Variants in FBXL14 observed in about 807,000 individuals in gnomAD.
FBXL14 encodes the protein F-box and leucine rich repeat protein 14.
Under a neutral mutation model 24.5 loss-of-function variants are expected in FBXL14, and 11 were observed. That is an observed-to-expected ratio of 0.45 (90% CI 0.28 to 0.74). The LOEUF is 0.74. FBXL14 is among the 30% of genes least tolerant of loss of function. The probability of loss-of-function intolerance (pLI) is 0.12; values close to 1 mark genes in which losing one functional copy is unlikely to be tolerated. For synonymous variants in FBXL14, 294 were observed against 240.4 expected, an observed-to-expected ratio of 1.22 and a Z score of -2.06; for missense variants, 384 against 545.6, an observed-to-expected ratio of 0.70 and a Z score of 2.95.
intron 1 of FBXL14, among the ~76,000 whole-genome samples, chr12:1,586,028 G>C (rs895148498): frequency 6.6e-6 from 1 of 152,210 alleles, no homozygotes; most frequent in Non-Finnish European, 1.5e-5. Flanking sequence ...ACAGGCAACA[G>C]ATTTGACAGT....
Position 1,577,121 on chromosome 12 carries a change from A to G in FBXL14, c.1195-10311T>C, listed in dbSNP as rs527634962. Among the ~76,000 whole-genome samples the G allele has an allele frequency of 8.5e-5, 13 of 152,320 alleles. No homozygotes were observed. In the South Asian group the frequency reaches 2.7e-3, roughly 32 times the overall value. On this transcript the variant is annotated intron_variant, in intron 1 of 1. Transcript: ENST00000339235. Reference sequence around the variant, plus strand: ...CCTTCCCGGGAAGAAACTTCTAGCAATGCTTAAGCAGGAGGCCAGGGAAGA... The same window carrying G: ...CCTTCCCGGGAAGAAACTTCTAGCAGTGCTTAAGCAGGAGGCCAGGGAAGA...
intron 1 of FBXL14, among the ~76,000 whole-genome samples, chr12:1,573,943 T>A (rs1332093043): frequency 1.3e-5 from 2 of 151,570 alleles, no homozygotes; most frequent in Non-Finnish European, 2.9e-5. Flanking sequence ...AGGTGGAGGT[T>A]TTGGTGAGCT....
intron 1 of FBXL14, among the ~76,000 whole-genome samples, chr12:1,592,598 G>A (rs1592490130): frequency 6.6e-6 from 1 of 152,334 alleles, no homozygotes; most frequent in Middle Eastern, 3.4e-3. Flanking sequence ...GCAGGGGAGT[G>A]GGTGGGTAAG....
chr12:1,580,741 C>T (rs1486997640), intron 1 of FBXL14, among the ~76,000 whole-genome samples: 1 of 152,006 alleles, frequency 6.6e-6, no homozygotes, highest in Non-Finnish European at 1.5e-5. Context: ...TTTAGTAAAA[C>T]CATTATCAGG....
intron 1 of FBXL14, among the ~76,000 whole-genome samples, chr12:1,573,735 T>C (rs1412869477): frequency 5.9e-5 from 9 of 152,214 alleles, no homozygotes; most frequent in Non-Finnish European, 1.3e-4. Flanking sequence ...CCGGGCCTGG[T>C]GGCTCACACC....
intron 1 of FBXL14, among the ~76,000 whole-genome samples, chr12:1,592,190 G>GTA (rs576737463): frequency 0.03 from 4,185 of 139,014 alleles, 109 homozygotes; most frequent in African/African-American, 0.07. Context: ...ACATATATAT[G>GTA]TATATATATA....
At position 1,567,557 on chromosome 12, in the gene FBXL14, T is replaced by C. The variant is rs778871159; in HGVS notation, c.1195-747A>G. On this transcript the variant is annotated intron_variant, in intron 1 of 1. Transcript: ENST00000339235. The surrounding 1 kb of genome is among the most constrained non-coding windows in gnomAD (Gnocchi z 4.8). ...CACATGTTGAAGGGACAGAGCAAGCTTCACAACCAGACTCAGAGACAGCAG... is the reference window on the plus strand; with the variant it reads ...CACATGTTGAAGGGACAGAGCAAGCCTCACAACCAGACTCAGAGACAGCAG... 7.2e-5 allele frequency among the ~76,000 whole-genome samples: 11 copies of C among 152,088 alleles called. No individual in the cohort carries two copies. The highest frequency in any genetic ancestry group is 1.5e-4 in the Non-Finnish European group (10 of 68,012).
At chr12:1,574,097 G>A (rs1328608175) in intron 1 of FBXL14, among the ~76,000 whole-genome samples, 1 of 152,116 alleles carries the variant, frequency 6.6e-6, no homozygotes, top group East Asian at 1.9e-4. Context: ...GGCAGGAGAT[G>A]TAGCTTGGGG....
chr12:1,580,704 T>C (rs141290431), intron 1 of FBXL14, among the ~76,000 whole-genome samples: 1 of 152,250 alleles, frequency 6.6e-6, no homozygotes, highest in East Asian at 1.9e-4. Flanking sequence ...AATGTCCAGC[T>C]GGGATTTTTT....
intron 1 of FBXL14, among the ~76,000 whole-genome samples, chr12:1,591,344 G>GT (rs1312090311): frequency 0.032 from 1,573 of 49,154 alleles, 22 homozygotes; most frequent in African/African-American, 0.1. Flanking sequence ...ATACAAGGCT[G>GT]TTGTTTTTTT....
chr12:1,571,620 GT>G (rs375092442), intron 1 of FBXL14, among the ~76,000 whole-genome samples: 2 of 152,170 alleles, frequency 1.3e-5, no homozygotes, highest in African/African-American at 4.8e-5. Context: ...AATCATACAT[GT>G]TTTTTATTTG....
chr12:1,577,360 GATTCAAGAGCTCC>G (rs1219660785), intron 1 of FBXL14, among the ~76,000 whole-genome samples: 1 of 151,872 alleles, frequency 6.6e-6, no homozygotes, highest in Non-Finnish European at 1.5e-5. Flanking sequence ...GTCAGGTGAA[GATTCAAGAGCTCC>G]TCTTTGCCTT....
In FBXL14 at chr12:1,566,823, G is replaced by A. The variant is rs759036152; in HGVS notation, c.1195-13C>T. The A allele has an allele frequency of 1.3e-6, 1 of 780,738 alleles. No individual in the cohort carries two copies. The highest frequency in any genetic ancestry group is 2.4e-5 in the East Asian group (1 of 41,254). The allele number at this position is 780,738 out of a possible 1,614,324, so 48.4% of individuals were successfully genotyped here. A position where few individuals can be genotyped will look rare whatever the true frequency, so the allele number is the denominator to read the frequency against. On this transcript the variant is annotated splice_polypyrimidine_tract_variant and intron_variant, in intron 1 of 1. Coordinates refer to ENST00000339235, the MANE Select transcript of FBXL14 (RefSeq NM_152441.3). The stretch of plus-strand genomic sequence containing the variant: ...CCCCTCGTGCCTCCTGCAGTGGGAA[G>A]AAGAAAAAGGACCATTTTGAAAGAG...
chr12:1,574,592 C>A, intron 1 of FBXL14: 2 of 230,426 alleles, frequency 8.7e-6, no homozygotes, highest in South Asian at 9.4e-5. Context: ...TGGTAAAGGC[C>A]ACCCTGCTAA....
At chr12:1,581,234 G>A (rs2094465717) in intron 1 of FBXL14, among the ~76,000 whole-genome samples, 1 of 152,140 alleles carries the variant, frequency 6.6e-6, no homozygotes, top group African/African-American at 2.4e-5. Flanking sequence ...TGTGCTGGTA[G>A]CAGCTAAAAG....
Position 1,593,002 on chromosome 12 carries a change from C to A in FBXL14, c.1065G>T (p.Leu355=), listed in dbSNP as rs756480701. The A allele has an allele frequency of 6.2e-7, 1 of 1,612,684 alleles. No individual in the cohort carries two copies. Among genetic ancestry groups the A allele is most frequent in the Non-Finnish European group, 8.5e-7 (1 of 1,180,030 alleles). Residue 355 remains leucine (L), a synonymous_variant, in exon 1 of 2, where the codon CTG becomes CTT. Coordinates refer to ENST00000339235, the MANE Select transcript of FBXL14 (RefSeq NM_152441.3). The surrounding 1 kb of genome is among the most constrained non-coding windows in gnomAD (Gnocchi z 7.4). ...DKGLELIAEH[L]SQLTGIDLYG... Reference sequence around the variant, plus strand: ...ACAGGTCTATGCCGGTGAGTTGGCTCAGGTGCTCAGCGATCAGCTCCAGGC... The same window carrying A: ...ACAGGTCTATGCCGGTGAGTTGGCTAAGGTGCTCAGCGATCAGCTCCAGGC...
Position 1,592,957 on chromosome 12 carries a change from G to A in FBXL14, c.1110C>T (p.Thr370=), listed in dbSNP as rs1306315562. 1 of 1,613,184 alleles carries A rather than the reference G, an allele frequency of 6.2e-7. No homozygotes were observed. Among genetic ancestry groups the A allele is most frequent in the Non-Finnish European group, 8.5e-7 (1 of 1,179,702 alleles). ...GCGTGATGCGCTCCAGGCCGCGCTT[G>A]GTGATTCGGGTGCAGCCGTACAGGT... ...GIDLYGCTRI[T]KRGLERITQL... Residue 370 remains threonine (T), a synonymous_variant, in exon 1 of 2, where the codon ACC becomes ACT. Coordinates refer to ENST00000339235, the MANE Select transcript of FBXL14 (RefSeq NM_152441.3).
chr12:1,573,538 G>T (rs908784566), intron 1 of FBXL14, among the ~76,000 whole-genome samples: 1 of 152,182 alleles, frequency 6.6e-6, no homozygotes. Flanking sequence ...ACATTGCGGG[G>T]CCAGAAGTGC....
rs549524374 is a variant in FBXL14 at position 1,594,248 on chromosome 12, G to GGTCC, written c.-186_-183dup. Reference sequence around the variant, plus strand: ...GGCCGCCGCCGCCGCTCCTCCTCCTGGTCCGTCCGTCCTTCCTTCCTGCCG... The same window carrying GGTCC: ...GGCCGCCGCCGCCGCTCCTCCTCCTGGTCCGTCCGTCCGTCCTTCCTTCCTGCCG... On this transcript the variant is annotated 5_prime_UTR_variant, in exon 1 of 2. Coordinates refer to ENST00000339235, the MANE Select transcript of FBXL14 (RefSeq NM_152441.3). 3 of 204,152 alleles carry GGTCC rather than the reference G, an allele frequency of 1.5e-5. No individual in the cohort carries two copies. Among genetic ancestry groups the GGTCC allele is most frequent in the Admixed American group, 6.4e-5 (1 of 15,594 alleles). 12.6% of individuals were successfully genotyped at this position (204,152 alleles called of 1,614,324 possible).
Sources: allele counts gnomAD v4.1 joint callset (sites outside exome capture counted in the v4.1 genomes callset), GRCh38; gene constraint gnomAD v4.1.1; non-coding constraint Gnocchi (gnomAD v3.1); transcripts MANE v1.5; gene names NCBI Gene and HGNC (gene_info 2026-07-23, HGNC 2026-07-21).